Variants in CDH12 observed in about 807,000 individuals in gnomAD.
The protein encoded by CDH12 is cadherin 12, also known as cadherin-12.
CDH12 carries 41 observed loss-of-function variants against 74.1 expected under a neutral mutation model. The observed-to-expected ratio is 0.55, with a 90% CI of 0.43 to 0.72. The LOEUF is 0.72. CDH12 is among the 30% of genes least tolerant of loss of function. The probability of loss-of-function intolerance (pLI) is 0.00; values close to 1 mark genes in which losing one functional copy is unlikely to be tolerated. For missense variants in CDH12, 945 were observed against 977.2 expected, an observed-to-expected ratio of 0.97 and a Z score of 0.44; for synonymous variants, 399 against 355.0, an observed-to-expected ratio of 1.12 and a Z score of -1.39.
intron 1 of CDH12, among the ~76,000 whole-genome samples, chr5:22,605,738 A>T (rs564328292): frequency 2.6e-5 from 4 of 152,326 alleles, no homozygotes; most frequent in African/African-American, 7.2e-5. Flanking sequence ...ACCAGCCCAT[A>T]GGCTGCTAGC....
chr5:22,664,179 C>T (rs563462563), intron 1 of CDH12, among the ~76,000 whole-genome samples: 3 of 152,222 alleles, frequency 2.0e-5, no homozygotes, highest in East Asian at 3.9e-4. Flanking sequence ...GCATTTGTTT[C>T]GTAAACAAGA....
chr5:22,804,834 A>G (rs558597777), intron 1 of CDH12, among the ~76,000 whole-genome samples: 1 of 152,252 alleles, frequency 6.6e-6, no homozygotes, highest in Admixed American at 6.5e-5. Context: ...TAGGTACTAC[A>G]TAATTATGAA....
intron 4 of CDH12, among the ~76,000 whole-genome samples, chr5:22,084,960 C>T (rs1202523666): frequency 6.6e-6 from 1 of 152,098 alleles, no homozygotes; most frequent in Non-Finnish European, 1.5e-5. Flanking sequence ...GGTCAGTACC[C>T]TATGGAAATA....
At chr5:22,274,141 A>C (rs577200622) in intron 3 of CDH12, among the ~76,000 whole-genome samples, 2 of 152,254 alleles carry the variant, frequency 1.3e-5, no homozygotes, top group African/African-American at 4.8e-5. Flanking sequence ...TCAAACAATA[A>C]TACCTAAAAA....
chr5:22,323,200 C>T (rs144228086), intron 3 of CDH12, among the ~76,000 whole-genome samples: 379 of 152,152 alleles, frequency 2.5e-3, no homozygotes, highest in African/African-American at 8.6e-3. Flanking sequence ...ATTTTACAAC[C>T]GGGACAGGTC....
At chr5:22,130,609 T>A (rs1174044221) in intron 4 of CDH12, among the ~76,000 whole-genome samples, 5 of 151,820 alleles carry the variant, frequency 3.3e-5, no homozygotes, top group Non-Finnish European at 7.4e-5. Flanking sequence ...AAATCCCAGA[T>A]CCCACTGGAC....
chr5:21,765,112 T>C lies in CDH12; in HGVS notation c.1394-13A>G. 6.5e-7 allele frequency: 1 copy of C among 1,529,406 alleles called. No homozygotes were observed. Among genetic ancestry groups the C allele is most frequent in the South Asian group, 1.3e-5 (1 of 77,624 alleles). 94.7% of individuals were successfully genotyped at this position (1,529,406 alleles called of 1,614,324 possible). A position where few individuals can be genotyped will look rare whatever the true frequency, so the allele number is the denominator to read the frequency against. On this transcript the variant is annotated splice_polypyrimidine_tract_variant and intron_variant, in intron 11 of 14. Transcript: ENST00000382254. ...AATAAAGGGTTACCTGTTAAAAACA[T>C]ATAAAGATAAAAGATGATTACAAAA... is the stretch of plus-strand genomic sequence containing the variant.
At position 22,801,260 on chromosome 5, in the gene CDH12, A is replaced by G. The variant is rs115404087; in HGVS notation, c.-523+51798T>C. On this transcript the variant is annotated intron_variant, in intron 1 of 14. Coordinates refer to ENST00000382254, the MANE Select transcript of CDH12 (RefSeq NM_004061.5). ...TCTAACAGGTGTGCAGTGGTTCCATAGACTTTTAATTGAAAAGAATTCAGT... is the reference window on the plus strand; with the variant it reads ...TCTAACAGGTGTGCAGTGGTTCCATGGACTTTTAATTGAAAAGAATTCAGT... 3.6e-3 allele frequency among the ~76,000 whole-genome samples: 547 copies of G among 152,276 alleles called. 3 individuals are homozygous for G. The highest frequency in any genetic ancestry group is 0.013 in the African/African-American group (521 of 41,552).
chr5:22,104,593 T>C (rs1411448295), intron 4 of CDH12, among the ~76,000 whole-genome samples: 2 of 152,142 alleles, frequency 1.3e-5, no homozygotes, highest in Admixed American at 6.5e-5. Context: ...CCCAATCTGT[T>C]CAGGAACGTG....
chr5:21,809,931 A>C (rs1747656890), intron 9 of CDH12, among the ~76,000 whole-genome samples: 1 of 152,036 alleles, frequency 6.6e-6, no homozygotes, highest in Non-Finnish European at 1.5e-5. Flanking sequence ...TGCCTGAGGG[A>C]CTCTAGGAGG....
intron 1 of CDH12, among the ~76,000 whole-genome samples, chr5:22,550,681 A>G (rs1189090048): frequency 6.6e-6 from 1 of 152,210 alleles, no homozygotes; most frequent in Non-Finnish European, 1.5e-5. Flanking sequence ...ATCCCTGCCC[A>G]TTACAGACCA....
At chr5:22,628,520 G>T (rs1470956000) in intron 1 of CDH12, among the ~76,000 whole-genome samples, 2 of 152,074 alleles carry the variant, frequency 1.3e-5, no homozygotes, top group South Asian at 2.1e-4. Context: ...ATGAAATTAA[G>T]CCAGTAATGA....
intron 6 of CDH12, among the ~76,000 whole-genome samples, chr5:21,960,438 C>G (rs1189938542): frequency 6.6e-6 from 1 of 152,114 alleles, no homozygotes; most frequent in African/African-American, 2.4e-5. Context: ...GAAAGCTAAA[C>G]TGGGGGCTTT....
intron 1 of CDH12, among the ~76,000 whole-genome samples, chr5:22,539,284 AG>A (rs1204806670): frequency 5.3e-5 from 8 of 152,318 alleles, no homozygotes; most frequent in African/African-American, 1.9e-4. Context: ...CTGTACATAA[AG>A]TTTGTGCACT....
intron 3 of CDH12, among the ~76,000 whole-genome samples, chr5:22,288,875 TAGAG>T (rs1203923147): frequency 6.6e-5 from 10 of 151,972 alleles, no homozygotes; most frequent in African/African-American, 2.4e-4. Context: ...GCAGAGTGGG[TAGAG>T]AGAAATAGTG....
At position 22,185,410 on chromosome 5, in the gene CDH12, G is replaced by C. The variant is rs868636610; in HGVS notation, c.-187+27088C>G. ...AGACAGGTTTCACCATGTTGGGCAGGCTGGTCTTTGATTCACATATCAAGG... is the reference window on the plus strand; with the variant it reads ...AGACAGGTTTCACCATGTTGGGCAGCCTGGTCTTTGATTCACATATCAAGG... On this transcript the variant is annotated intron_variant, in intron 4 of 14. Transcript: ENST00000382254. Among the ~76,000 whole-genome samples the C allele has an allele frequency of 3.3e-5, 5 of 152,010 alleles. No homozygotes were observed. The South Asian group carries it at 1.0e-3, about 31-fold the overall frequency.
At chr5:22,820,181 TA>T (rs1749615424) in intron 1 of CDH12, among the ~76,000 whole-genome samples, 2 of 151,680 alleles carry the variant, frequency 1.3e-5, no homozygotes, top group Admixed American at 1.3e-4. Flanking sequence ...TGAAAAAGGT[TA>T]AAAATAATTG....
chr5:22,005,586 A>G (rs1166644015), intron 5 of CDH12, among the ~76,000 whole-genome samples: 1 of 151,982 alleles, frequency 6.6e-6, no homozygotes, highest in Non-Finnish European at 1.5e-5. Flanking sequence ...TAAAAAAAAA[A>G]AAAACCCACT....
intron 3 of CDH12, among the ~76,000 whole-genome samples, chr5:22,302,188 A>G (rs1479909362): frequency 1.3e-5 from 2 of 152,190 alleles, no homozygotes; most frequent in Non-Finnish European, 2.9e-5. Flanking sequence ...TCAGAGAAAG[A>G]AAAACAAGTA....
Sources: allele counts gnomAD v4.1 joint callset (sites outside exome capture counted in the v4.1 genomes callset), GRCh38; gene constraint gnomAD v4.1.1; transcripts MANE v1.5; gene names NCBI Gene and HGNC (gene_info 2026-07-23, HGNC 2026-07-21).